BRD7: variants seen among roughly 807,000 people sequenced by gnomAD.
BRD7 encodes the protein bromodomain containing 7, also known as bromodomain-containing protein 7.
BRD7 carries 15 observed loss-of-function variants against 82.1 expected under a neutral mutation model. The ratio of observed to expected loss-of-function variants is 0.18; its 90% CI spans 0.12 to 0.28. BRD7 has a LOEUF of 0.28. Ranked by LOEUF, BRD7 falls within the 10% of genes least tolerant of loss-of-function variation. The probability of loss-of-function intolerance (pLI) is 1.00; values close to 1 mark genes in which losing one functional copy is unlikely to be tolerated. For missense variants in BRD7, 638 were observed against 779.9 expected (o/e 0.82, Z 2.17); for synonymous variants, 232 against 266.9 (o/e 0.87, Z 1.27).
chr16:50,360,653 G>A (rs1378520643), intron 2 of BRD7, among the ~76,000 whole-genome samples: 2 of 152,120 alleles, frequency 1.3e-5, no homozygotes, highest in Non-Finnish European at 2.9e-5. Flanking sequence ...TGATTCCTGG[G>A]TCCAACTTTG....
chr16:50,341,273 G>A (rs373043366), intron 5 of BRD7, among the ~76,000 whole-genome samples: 1 of 151,346 alleles, frequency 6.6e-6, no homozygotes, highest in Non-Finnish European at 1.5e-5. Context: ...TCCCTCTAAA[G>A]GCTCATTATG....
At chr16:50,334,412 G>A (rs1247001950) in intron 7 of BRD7, among the ~76,000 whole-genome samples, 1 of 152,152 alleles carries the variant, frequency 6.6e-6, no homozygotes, top group Non-Finnish European at 1.5e-5. Flanking sequence ...TAAACAAACA[G>A]TTCTATTTAA....
At chr16:50,351,723 C>A (rs2151190510) in intron 4 of BRD7, among the ~76,000 whole-genome samples, 1 of 152,162 alleles carries the variant, frequency 6.6e-6, no homozygotes, top group South Asian at 2.1e-4. Flanking sequence ...TTCATTAAGA[C>A]TTTGTTTCTA....
rs115886490 is a variant in BRD7, at chr16:50,352,157, T to C, written c.447-1990A>G. 4.2e-3 allele frequency among the ~76,000 whole-genome samples: 637 copies of C among 152,346 alleles called. 5 individuals are homozygous for C. Among genetic ancestry groups the C allele is most frequent in the African/African-American group, 0.015 (616 of 41,586 alleles). ...ATCCCACATGAGTGAGATGATGTCA[T>C]ATTTGTGCCCTCACCATATTTTCTG... On this transcript the variant is annotated intron_variant, in intron 4 of 16. Transcript: ENST00000394688.
chr16:50,366,387 G>C (rs1215779954), intron 2 of BRD7, among the ~76,000 whole-genome samples: 1 of 152,064 alleles, frequency 6.6e-6, no homozygotes. Context: ...GTCTCCAGAG[G>C]AAAATAAAAA....
chr16:50,336,630 C>T (rs1263818652), intron 6 of BRD7, among the ~76,000 whole-genome samples: 1 of 152,112 alleles, frequency 6.6e-6, no homozygotes, highest in Non-Finnish European at 1.5e-5. Flanking sequence ...TTTTTAAAAA[C>T]ACGTTTTATT....
At position 50,326,094 on chromosome 16, in the gene BRD7, C is replaced by A. The variant is rs565330640; in HGVS notation, c.1195+190G>T. ...GGAGAGGGAGAGGAACAAGAAAGAA[C>A]AAAATTCATTTTGAATACTAATACC... On this transcript the variant is annotated intron_variant, in intron 10 of 16. Coordinates refer to ENST00000394688, the MANE Select transcript of BRD7 (RefSeq NM_013263.5). Among the ~76,000 whole-genome samples the A allele has an allele frequency of 3.5e-3, 533 of 152,246 alleles. 6 individuals are homozygous for A. Among genetic ancestry groups the A allele is most frequent in the African/African-American group, 0.012 (516 of 41,540 alleles).
intron 8 of BRD7, among the ~76,000 whole-genome samples, chr16:50,330,363 CAG>C (rs1352936591): frequency 3.0e-5 from 4 of 131,494 alleles, no homozygotes; most frequent in East Asian, 2.2e-4. Flanking sequence ...TTTTTTGAGA[CAG>C]AGTCTCGCTC....
chr16:50,360,773 A>G (rs2038907826), intron 2 of BRD7, among the ~76,000 whole-genome samples: 1 of 152,250 alleles, frequency 6.6e-6, no homozygotes. Context: ...AAAGAAACAG[A>G]TAAACAGCCT....
intron 14 of BRD7, 57 bp from the exon 15 acceptor site, chr16:50,320,448 C>T: frequency 6.3e-7 from 1 of 1,583,814 alleles, no homozygotes; most frequent in Non-Finnish European, 8.6e-7. Context: ...AAACCGAATC[C>T]TAGGCTCTAG....
At chr16:50,357,599 G>A (rs968736178) in intron 2 of BRD7, among the ~76,000 whole-genome samples, 1 of 152,084 alleles carries the variant, frequency 6.6e-6, no homozygotes, top group Non-Finnish European at 1.5e-5. Flanking sequence ...GACAGCTTGA[G>A]AGGCAGTATG....
chr16:50,342,673 G>C (rs149088970), intron 5 of BRD7, among the ~76,000 whole-genome samples: 152 of 151,838 alleles, frequency 1.0e-3, no homozygotes, highest in African/African-American at 3.7e-3. Flanking sequence ...CACCTGCCTC[G>C]GCCTCCGGAA....
intron 2 of BRD7, among the ~76,000 whole-genome samples, chr16:50,363,671 G>GCA (rs1567292204): frequency 4.8e-5 from 3 of 62,040 alleles, no homozygotes; most frequent in African/African-American, 1.0e-4. Context: ...GCGCGCGCGC[G>GCA]CGTGCGCGTG....
In BRD7 at chr16:50,319,281, C is replaced by T. The variant is rs1310587596; in HGVS notation, c.1901-15G>A. 1.2e-6 allele frequency: 2 copies of T among 1,611,286 alleles called. No individual in the cohort carries two copies. Among genetic ancestry groups the T allele is most frequent in the East Asian group, 2.2e-5 (1 of 44,850 alleles). On this transcript the variant is annotated splice_polypyrimidine_tract_variant and intron_variant, in intron 16 of 16. Transcript: ENST00000394688. ...TTCTTCAGTGTCTGAAAGAAAAAGA[C>T]ATCACTTAATTCAACATTGTTTTTA...
intron 4 of BRD7, among the ~76,000 whole-genome samples, chr16:50,353,361 G>T (rs66535459): frequency 6.6e-6 from 1 of 151,812 alleles, no homozygotes; most frequent in Non-Finnish European, 1.5e-5. Flanking sequence ...TACTATACTC[G>T]GTTAACTTCT....
At chr16:50,351,325 CTTTG>C (rs1168929302) in intron 4 of BRD7, among the ~76,000 whole-genome samples, 1 of 152,150 alleles carries the variant, frequency 6.6e-6, no homozygotes, top group Admixed American at 6.5e-5. Context: ...GTGAATCTGC[CTTTG>C]TTTTTCACAG....
chr16:50,368,544 C>G (rs1378258524), intron 1 of BRD7, 182 bp downstream of exon 1: 2 of 720,532 alleles, frequency 2.8e-6, no homozygotes, highest in Non-Finnish European at 4.2e-6. Context: ...CAGGGGGACC[C>G]GGGTTCGAAT....
At chr16:50,340,109 G>A (rs773334223) in intron 5 of BRD7, 23 bp from the exon 6 acceptor site, 15 of 1,371,704 alleles carry the variant, frequency 1.1e-5, no homozygotes, top group Non-Finnish European at 1.5e-5. Flanking sequence ...CATTAAGGGA[G>A]AAAATGCATT....
chr16:50,328,226 C>T (rs115537155), intron 9 of BRD7, among the ~76,000 whole-genome samples: 2,404 of 152,202 alleles, frequency 0.016, 62 homozygotes, highest in African/African-American at 0.054. Context: ...GTGAAAGATA[C>T]GATGTCACTA....
Sources: gnomAD v4.1 joint callset for allele counts (sites outside exome capture counted in the v4.1 genomes callset) on GRCh38, gnomAD v4.1.1 for gene constraint, MANE v1.5 for transcripts, NCBI Gene and HGNC (gene_info 2026-07-23, HGNC 2026-07-21) for gene names.